The following KCNK2 variants were observed in gnomAD, a reference collection of about 807,000 sequenced individuals.
KCNK2 encodes potassium two pore domain channel subfamily K member 2, also known as potassium channel subfamily K member 2.
KCNK2 carries 21 observed loss-of-function variants against 40.5 expected under a neutral mutation model. That is an observed-to-expected ratio of 0.52 (90% CI 0.37 to 0.75). KCNK2 has a LOEUF of 0.75. Among genes scored for constraint, KCNK2 ranks in the 30% least tolerant of loss-of-function variants. The pLI is 0.00. For missense variants in KCNK2, 399 were observed against 531.6 expected (o/e 0.75, Z 2.45); for synonymous variants, 191 against 202.2 (o/e 0.94, Z 0.47).
At chr1:215,110,605 G>A (rs553438656) in intron 2 of KCNK2, among the ~76,000 whole-genome samples, 55 of 152,024 alleles carry the variant, frequency 3.6e-4, no homozygotes, top group African/African-American at 1.3e-3. Flanking sequence ...ACATGGTTTC[G>A]ACATTTATTT....
intron 1 of KCNK2, among the ~76,000 whole-genome samples, chr1:215,063,455 C>T (rs1003266251): frequency 2.0e-5 from 3 of 152,136 alleles, no homozygotes; most frequent in African/African-American, 7.2e-5. Context: ...TCACCTGTCC[C>T]CATCCTCATC....
chr1:215,083,928 A>T (rs1659303307), intron 1 of KCNK2, among the ~76,000 whole-genome samples: 1 of 152,120 alleles, frequency 6.6e-6, no homozygotes, highest in Admixed American at 6.6e-5. Flanking sequence ...GTGGGTAGTG[A>T]CGGTGCTGAG....
At chr1:215,207,759 C>T (rs138879779) in intron 6 of KCNK2, among the ~76,000 whole-genome samples, 223 of 152,028 alleles carry the variant, frequency 1.5e-3, no homozygotes, top group African/African-American at 5.1e-3. Context: ...GCAACACAAG[C>T]ATATGGAAAA....
intron 3 of KCNK2, among the ~76,000 whole-genome samples, chr1:215,167,564 A>C (rs189169663): frequency 1.3e-5 from 2 of 152,166 alleles, no homozygotes; most frequent in Non-Finnish European, 2.9e-5. Flanking sequence ...TAACAAGTAG[A>C]TATCCTTGCA....
chr1:215,015,160 A>G (rs1194974130), intron 1 of KCNK2, among the ~76,000 whole-genome samples: 2 of 152,168 alleles, frequency 1.3e-5, no homozygotes, highest in Admixed American at 6.6e-5. Flanking sequence ...TAACTAGTTT[A>G]AAGCTCCTTT....
chr1:215,087,099 G>A (rs572398644), intron 2 of KCNK2, among the ~76,000 whole-genome samples: 1 of 152,212 alleles, frequency 6.6e-6, no homozygotes, highest in Non-Finnish European at 1.5e-5. Flanking sequence ...TGGCAAAGGG[G>A]AGGAAAACAA....
chr1:215,072,641 G>T (rs1039718055), intron 1 of KCNK2, among the ~76,000 whole-genome samples: 2 of 152,100 alleles, frequency 1.3e-5, no homozygotes, highest in African/African-American at 2.4e-5. Flanking sequence ...ACTTCATGTG[G>T]GCATGTTACC....
At chr1:215,113,956 A>G (rs374407500) in intron 2 of KCNK2, among the ~76,000 whole-genome samples, 18 of 151,018 alleles carry the variant, frequency 1.2e-4, no homozygotes, top group African/African-American at 4.3e-4. Flanking sequence ...GTTCAAGTGT[A>G]GTTAGTCATC....
At chr1:215,232,450 A>C (rs1666707351) in intron 6 of KCNK2, among the ~76,000 whole-genome samples, 1 of 152,194 alleles carries the variant, frequency 6.6e-6, no homozygotes, top group South Asian at 2.1e-4. Context: ...AATTGATAGC[A>C]TGTGTGCTAT....
chr1:215,080,284 C>T (rs561921315), upstream of KCNK2, among the ~76,000 whole-genome samples: 5 of 151,930 alleles, frequency 3.3e-5, no homozygotes, highest in African/African-American at 7.3e-5. Context: ...GGGCAAGATG[C>T]GGTTAAATTT....
chr1:215,132,382 A>T (rs1661713828), intron 3 of KCNK2, among the ~76,000 whole-genome samples: 1 of 152,034 alleles, frequency 6.6e-6, no homozygotes, highest in South Asian at 2.1e-4. Context: ...TACACTCATA[A>T]CTCTGTGGCA....
At chr1:215,050,616 G>GA (rs1175322585) in intron 1 of KCNK2, among the ~76,000 whole-genome samples, 4 of 152,102 alleles carry the variant, frequency 2.6e-5, no homozygotes, top group African/African-American at 4.8e-5. Flanking sequence ...TCAAGCCACT[G>GA]AAAAAAATAG....
chr1:215,122,889 C>T (rs923508522), intron 2 of KCNK2, among the ~76,000 whole-genome samples: 1 of 151,582 alleles, frequency 6.6e-6, no homozygotes, highest in Admixed American at 6.6e-5. Flanking sequence ...GGACTACAGG[C>T]GCCCGCTACC....
At chr1:215,077,781 C>T (rs149359476), upstream of KCNK2, among the ~76,000 whole-genome samples, 1 of 152,060 alleles carries the variant, frequency 6.6e-6, no homozygotes, top group Non-Finnish European at 1.5e-5. Flanking sequence ...ATGCTTTTCC[C>T]TTTCCACCCT....
chr1:215,098,819 A>G (rs1447337769), intron 2 of KCNK2, among the ~76,000 whole-genome samples: 1 of 151,842 alleles, frequency 6.6e-6, no homozygotes, highest in Non-Finnish European at 1.5e-5. Context: ...GTCACCTTAT[A>G]GTAGCTATTT....
chr1:215,083,438 C>G lies in KCNK2; in HGVS notation c.46+7C>G, dbSNP rs1367338948. 3.1e-6 allele frequency: 5 copies of G among 1,600,528 alleles called. No individual in the cohort carries two copies. The South Asian group carries it at 5.5e-5, about 18-fold the overall frequency. On this transcript the variant is annotated splice_region_variant and intron_variant, in intron 1 of 6. Transcript: ENST00000444842. ...CCCGGCTATAGAGCAGGAGGTGAGA[C>G]CCCCCCTCCGGTACCCCCACCCCTC...
At chr1:215,013,796 TCTTA>T (rs1459224933) in intron 1 of KCNK2, among the ~76,000 whole-genome samples, 8 of 152,320 alleles carry the variant, frequency 5.3e-5, no homozygotes, top group East Asian at 3.9e-4. Flanking sequence ...TAAACTCATT[TCTTA>T]CTTCTAGAAG....
rs1006970914 is a variant in KCNK2 at position 215,082,951 on chromosome 1, C to G, written c.-435C>G. On this transcript the variant is annotated 5_prime_UTR_variant, in exon 1 of 7. Coordinates refer to ENST00000444842, the MANE Select transcript of KCNK2 (RefSeq NM_001017425.3). The stretch of plus-strand genomic sequence containing the variant: ...CAGCTGGGGCTGCACCCACCGCCCC[C>G]GCGCCGCGCCGTGCCGGGGCCGGGC... Among the ~76,000 whole-genome samples the G allele has an allele frequency of 6.7e-6, 1 of 149,044 alleles. No homozygotes were observed. The highest frequency in any genetic ancestry group is 1.5e-5 in the Non-Finnish European group (1 of 67,190).
intron 3 of KCNK2, among the ~76,000 whole-genome samples, chr1:215,158,625 T>G (rs2102621262): frequency 6.6e-6 from 1 of 152,318 alleles, no homozygotes; most frequent in Middle Eastern, 3.4e-3. Flanking sequence ...GGTAGGTTAC[T>G]TCTTATGAAT....
Sources: allele counts gnomAD v4.1 joint callset (sites outside exome capture counted in the v4.1 genomes callset), GRCh38; gene constraint gnomAD v4.1.1; transcripts MANE v1.5; gene names NCBI Gene and HGNC (gene_info 2026-07-23, HGNC 2026-07-21).